The following GLRX5 variants were observed in gnomAD, a reference collection of about 807,000 sequenced individuals.
GLRX5 encodes the protein glutaredoxin-related protein 5, mitochondrial.
GLRX5 carries 10 observed loss-of-function variants against 13.8 expected under a neutral mutation model. That is an observed-to-expected ratio of 0.72 (90% CI 0.45 to 1.23). The LOEUF (loss-of-function observed/expected upper bound fraction) is 1.23, where lower values mean the gene tolerates loss of function less well. GLRX5 is among the 50% of genes most tolerant of loss of function. The pLI is 0.00. For synonymous variants in GLRX5, 98 were observed against 101.1 expected, an observed-to-expected ratio of 0.97 and a Z score of 0.18; for missense variants, 233 against 215.2, an observed-to-expected ratio of 1.08 and a Z score of -0.52.
chr14:95,543,713 C>A, intron 1 of GLRX5: 1 of 543,820 alleles, frequency 1.8e-6, no homozygotes. Context: ...GATGAGAGGT[C>A]AGGTGACTTG....
intron 1 of GLRX5, among the ~76,000 whole-genome samples, chr14:95,539,494 G>T (rs1015399932): frequency 1.3e-5 from 2 of 152,142 alleles, no homozygotes; most frequent in Non-Finnish European, 2.9e-5. Flanking sequence ...ACGTAATTAT[G>T]GCATAATACC....
At chr14:95,540,454 A>G (rs1891455741) in intron 1 of GLRX5, among the ~76,000 whole-genome samples, 1 of 152,186 alleles carries the variant, frequency 6.6e-6, no homozygotes, top group Non-Finnish European at 1.5e-5. Flanking sequence ...CTGAGGCTAA[A>G]AGATTAACAG....
At position 95,535,286 on chromosome 14, in the gene GLRX5, A is replaced by G; in HGVS notation, c.197A>G (p.Gln66Arg). 6.4e-7 allele frequency: 1 copy of G among 1,567,162 alleles called. No homozygotes were observed. The highest frequency in any genetic ancestry group is 8.6e-7 in the Non-Finnish European group (1 of 1,156,992). Reference sequence around the variant, plus strand: ...CTCAAGGGGACGCCGGAGCAGCCCCAGTGCGGCTTCAGCAACGCCGTGGTG... The same window carrying G: ...CTCAAGGGGACGCCGGAGCAGCCCCGGTGCGGCTTCAGCAACGCCGTGGTG... ...VFLKGTPEQP[Q>R]CGFSNAVVQI... The change falls in exon 1 of 2, where the codon CAG becomes CGG. Residue 66 changes from glutamine (Q) to arginine (R), a missense_variant. By Grantham distance (43) the Gln-to-Arg change is conservative. Transcript: ENST00000331334.
chr14:95,536,007 C>T (rs1462139950), intron 1 of GLRX5, among the ~76,000 whole-genome samples: 2 of 152,068 alleles, frequency 1.3e-5, no homozygotes, highest in African/African-American at 4.8e-5. Context: ...TCTATGTTGT[C>T]GGGGAAGAGT....
intron 1 of GLRX5, among the ~76,000 whole-genome samples, chr14:95,540,950 A>G (rs945474391): frequency 3.3e-5 from 5 of 152,128 alleles, no homozygotes; most frequent in Admixed American, 2.6e-4. Context: ...ATTTGTTTGT[A>G]TGGGTTTTTT....
chr14:95,543,135 G>A (rs758633376), intron 1 of GLRX5: 68 of 455,764 alleles, frequency 1.5e-4, no homozygotes, highest in Non-Finnish European at 1.5e-4. Context: ...GAGCAGAGCG[G>A]GTCTCACTCC....
intron 1 of GLRX5, among the ~76,000 whole-genome samples, chr14:95,541,981 G>A (rs564711978): frequency 2.8e-4 from 42 of 152,252 alleles, no homozygotes; most frequent in African/African-American, 9.9e-4. Flanking sequence ...TGATTCATTT[G>A]TATAAAAGGT....
Position 95,544,202 on chromosome 14 carries a change from T to C in GLRX5, c.*77T>C. On this transcript the variant is annotated 3_prime_UTR_variant, in exon 2 of 2. Transcript: ENST00000331334. ...CACTGCCAGAAAAGCCTTACCCATTTTGGTTTTCACTATTGAGACCGCAAC... is the reference window on the plus strand; with the variant it reads ...CACTGCCAGAAAAGCCTTACCCATTCTGGTTTTCACTATTGAGACCGCAAC... 7.2e-7 allele frequency: 1 copy of C among 1,386,252 alleles called. No individual in the cohort carries two copies. The highest frequency in any genetic ancestry group is 1.0e-6 in the Non-Finnish European group (1 of 991,350). The allele number at this position is 1,386,252 out of a possible 1,614,324, so 85.9% of individuals were successfully genotyped here.
chr14:95,535,446 G>A (rs528334476), intron 1 of GLRX5, 62 bp downstream of exon 1: 3 of 1,462,286 alleles, frequency 2.1e-6, no homozygotes, highest in East Asian at 5.0e-5. Flanking sequence ...GCTGCACGAG[G>A]CCGAGGGGTT....
chr14:95,540,900 C>T (rs985821285), intron 1 of GLRX5, among the ~76,000 whole-genome samples: 2 of 152,134 alleles, frequency 1.3e-5, no homozygotes, highest in African/African-American at 4.8e-5. Flanking sequence ...TTTAAAGTAT[C>T]ATTTCTGTAC....
intron 1 of GLRX5, among the ~76,000 whole-genome samples, chr14:95,538,689 A>AG (rs1566703742): frequency 1.1e-4 from 17 of 152,336 alleles, no homozygotes; most frequent in African/African-American, 3.8e-4. Flanking sequence ...GGGATCTGCA[A>AG]ACTTACCCTA....
Position 95,543,806 on chromosome 14 carries a change from C to CA in GLRX5, c.296-139dup, listed in dbSNP as rs563450551. On this transcript the variant is annotated intron_variant, in intron 1 of 1. Coordinates refer to ENST00000331334, the MANE Select transcript of GLRX5 (RefSeq NM_016417.3). Reference sequence around the variant, plus strand: ...ACACAAAAACTCATGCTCTTAGTGGCAAGCACAGTGTTCTCAAGATTGGGG... The same window carrying CA: ...ACACAAAAACTCATGCTCTTAGTGGCAAAGCACAGTGTTCTCAAGATTGGGG... 59 of 728,422 alleles carry CA rather than the reference C, an allele frequency of 8.1e-5. No homozygotes were observed. The African/African-American group carries it at 9.4e-4, about 12-fold the overall frequency. The allele number at this position is 728,422 out of a possible 1,614,324, so 45.1% of individuals were successfully genotyped here.
intron 1 of GLRX5, chr14:95,543,039 C>T (rs1891496837): frequency 2.2e-6 from 1 of 455,976 alleles, no homozygotes; most frequent in South Asian, 1.5e-5. Context: ...GAGTGTCCCT[C>T]ATCTCATGTG....
chr14:95,539,382 T>G (rs1428020982), intron 1 of GLRX5, among the ~76,000 whole-genome samples: 1 of 152,212 alleles, frequency 6.6e-6, no homozygotes, highest in African/African-American at 2.4e-5. Context: ...TTTAGTCACA[T>G]GATGGAAAGC....
chr14:95,540,128 T>C (rs917616265), intron 1 of GLRX5, among the ~76,000 whole-genome samples: 2 of 152,130 alleles, frequency 1.3e-5, no homozygotes, highest in African/African-American at 4.8e-5. Context: ...TGACCTCAGG[T>C]GATGCACCAG....
rs944978751 is a variant in GLRX5, at chr14:95,537,025, C to T, written c.295+1641C>T. ...TGCAGTCTTCCTTCGAAGACAGCTT[C>T]TCTGCTTAAAAGAGGAGTAACTATT... On this transcript the variant is annotated intron_variant, in intron 1 of 1. Transcript: ENST00000331334. Among the ~76,000 whole-genome samples, 13 of 152,306 alleles carry T rather than the reference C, an allele frequency of 8.5e-5. 4 individuals carry two copies. The highest frequency in any genetic ancestry group is 6.5e-5 in the Admixed American group (1 of 15,298).
chr14:95,541,697 A>G (rs879936715), intron 1 of GLRX5, among the ~76,000 whole-genome samples: 3 of 152,380 alleles, frequency 2.0e-5, no homozygotes, highest in Non-Finnish European at 2.9e-5. Context: ...ATCAACAGCA[A>G]CATAAAGTTT....
At chr14:95,541,881 T>A (rs17092653) in intron 1 of GLRX5, among the ~76,000 whole-genome samples, 3,492 of 152,204 alleles carry the variant, frequency 0.023, 138 homozygotes, top group African/African-American at 0.079. Flanking sequence ...TAGACATCCA[T>A]CAAAATAAAT....
chr14:95,538,112 A>G lies in GLRX5; in HGVS notation c.295+2728A>G, dbSNP rs115858686. Among the ~76,000 whole-genome samples, 868 of 151,364 alleles carry G rather than the reference A, an allele frequency of 5.7e-3. 8 individuals carry two copies. The highest frequency in any genetic ancestry group is 0.02 in the African/African-American group (836 of 41,240). On this transcript the variant is annotated intron_variant, in intron 1 of 1. Transcript: ENST00000331334. ...GTTCCTAACAGTTTTTTTTTTTTTA[A>G]CACATTGAGACCATGCTTGTCTATA...
Sources: gnomAD v4.1 joint callset for allele counts (sites outside exome capture counted in the v4.1 genomes callset) on GRCh38, gnomAD v4.1.1 for gene constraint, MANE v1.5 for transcripts, NCBI Gene and HGNC (gene_info 2026-07-23, HGNC 2026-07-21) for gene names.